The following MAP4K4 variants were observed in gnomAD, a reference collection of about 807,000 sequenced individuals.
MAP4K4 encodes HPK/GCK-like kinase HGK.
MAP4K4 carries 38 observed loss-of-function variants against 189.6 expected under a neutral mutation model. That is an observed-to-expected ratio of 0.20 (90% CI 0.15 to 0.26). The LOEUF is 0.26. Among genes scored for constraint, MAP4K4 ranks in the 10% least tolerant of loss-of-function variants. The pLI, the probability that MAP4K4 is intolerant of heterozygous loss-of-function variation, is 1.00. For synonymous variants in MAP4K4, 610 were observed against 624.3 expected, an observed-to-expected ratio of 0.98 and a Z score of 0.34; for missense variants, 1,054 against 1,726.9, an observed-to-expected ratio of 0.61 and a Z score of 6.91.
At chr2:101,879,798 G>A (rs180971817) in intron 27 of MAP4K4, among the ~76,000 whole-genome samples, 24 of 149,652 alleles carry the variant, frequency 1.6e-4, no homozygotes, top group African/African-American at 5.9e-4. Flanking sequence ...TTATATAATG[G>A]TAAAACAGTA....
At chr2:101,829,100 C>G (rs1403109308) in intron 5 of MAP4K4, among the ~76,000 whole-genome samples, 3 of 152,200 alleles carry the variant, frequency 2.0e-5, no homozygotes, top group African/African-American at 7.2e-5. Context: ...CTCTCTTGCC[C>G]TTTGCTTTTC....
chr2:101,803,479 G>A (rs996989127), intron 3 of MAP4K4, among the ~76,000 whole-genome samples: 2 of 152,178 alleles, frequency 1.3e-5, no homozygotes, highest in African/African-American at 4.8e-5. Context: ...AAATGGTGAA[G>A]TCTTTTAAAA....
At chr2:101,868,757 G>A (rs1011523017) in intron 21 of MAP4K4, among the ~76,000 whole-genome samples, 7 of 152,298 alleles carry the variant, frequency 4.6e-5, no homozygotes, top group Admixed American at 6.5e-5. Flanking sequence ...CATGAATGTG[G>A]CAGGTTGTGA....
At chr2:101,883,156 G>C (rs1407952797) in intron 28 of MAP4K4, among the ~76,000 whole-genome samples, 2 of 152,200 alleles carry the variant, frequency 1.3e-5, no homozygotes, top group Non-Finnish European at 2.9e-5. Flanking sequence ...TTGAGAGTTT[G>C]ACTCAAGGGC....
chr2:101,857,809 C>G (rs1248832927), intron 13 of MAP4K4, among the ~76,000 whole-genome samples: 1 of 151,996 alleles, frequency 6.6e-6, no homozygotes, highest in Non-Finnish European at 1.5e-5. Flanking sequence ...TCAATATTCT[C>G]CCAGAGATAT....
chr2:101,785,025 G>A (rs997728796), intron 2 of MAP4K4, among the ~76,000 whole-genome samples: 3 of 152,150 alleles, frequency 2.0e-5, no homozygotes, highest in African/African-American at 7.2e-5. Context: ...CCTGTGTCCT[G>A]TTCTTACAGT....
rs944709093 is a variant in MAP4K4 at position 101,731,309 on chromosome 2, G to A, written c.123+32771G>A. Among the ~76,000 whole-genome samples, 3 of 151,598 alleles carry A rather than the reference G, an allele frequency of 2.0e-5. No individual in the cohort carries two copies. The South Asian group carries it at 6.3e-4, about 32-fold the overall frequency. On this transcript the variant is annotated intron_variant, in intron 2 of 32. Transcript: ENST00000324219. ...TTTTTGTATTTTTAGTAGAGATGGGGTTTCACCATGTTGGCCAGGCTGGCC... is the reference window on the plus strand; with the variant it reads ...TTTTTGTATTTTTAGTAGAGATGGGATTTCACCATGTTGGCCAGGCTGGCC...
chr2:101,865,775 C>T (rs1040281184), intron 18 of MAP4K4, among the ~76,000 whole-genome samples: 6 of 152,208 alleles, frequency 3.9e-5, no homozygotes, highest in African/African-American at 7.2e-5. Context: ...TAGCCTTCTG[C>T]GCATGGAACC....
At chr2:101,867,132 G>T (rs1489841596) in intron 19 of MAP4K4, 80 bp from the exon 20 acceptor site, 22 of 846,216 alleles carry the variant, frequency 2.6e-5, no homozygotes, top group Non-Finnish European at 3.7e-5. Context: ...AGGAGTGGGC[G>T]GGGTGGGCAG....
chr2:101,863,316 G>A (rs2097719217), intron 16 of MAP4K4, among the ~76,000 whole-genome samples: 1 of 152,188 alleles, frequency 6.6e-6, no homozygotes, highest in Admixed American at 6.5e-5. Flanking sequence ...AAAACGTGGG[G>A]TTTGTCTTTG....
chr2:101,735,549 GTCACTCTTCTTA>G, intron 2 of MAP4K4, among the ~76,000 whole-genome samples: 2 of 152,262 alleles, frequency 1.3e-5, no homozygotes, highest in East Asian at 3.9e-4. Context: ...AATACTCTAA[GTCACTCTTCTTA>G]GTCATTTGTT....
chr2:101,874,032 G>C, intron 25 of MAP4K4, 50 bp from the exon 26 acceptor site: 1 of 1,450,584 alleles, frequency 6.9e-7, no homozygotes, highest in Non-Finnish European at 9.6e-7. Flanking sequence ...AGGGAGGCAG[G>C]CATAGTGTGT....
intron 12 of MAP4K4, among the ~76,000 whole-genome samples, chr2:101,850,522 A>G (rs2097252299): frequency 1.3e-5 from 2 of 152,230 alleles, no homozygotes; most frequent in Admixed American, 6.5e-5. Context: ...CTCCTTTCCT[A>G]CAGAAAAGGT....
chr2:101,882,945 C>T (rs534636279), intron 28 of MAP4K4, among the ~76,000 whole-genome samples: 3 of 152,204 alleles, frequency 2.0e-5, no homozygotes, highest in Non-Finnish European at 2.9e-5. Flanking sequence ...CAGTCTCCCC[C>T]ACGCTGTGCA....
At chr2:101,709,967 C>T (rs1238865058) in intron 2 of MAP4K4, among the ~76,000 whole-genome samples, 1 of 152,086 alleles carries the variant, frequency 6.6e-6, no homozygotes, top group African/African-American at 2.4e-5. Flanking sequence ...TCTTATACTG[C>T]AGAGCTTTCG....
chr2:101,768,337 A>ACTT (rs2079647572), intron 2 of MAP4K4, among the ~76,000 whole-genome samples: 1 of 152,302 alleles, frequency 6.6e-6, no homozygotes, highest in Non-Finnish European at 1.5e-5. Context: ...TTTTCTTTTG[A>ACTT]TACTATTAAC....
chr2:101,870,660 C>G (rs2097969255), intron 23 of MAP4K4: 1 of 470,568 alleles, frequency 2.1e-6, no homozygotes, highest in South Asian at 2.1e-5. Context: ...CTCATTCAAG[C>G]ACCGCGCTGA....
chr2:101,750,824 TAA>T (rs201890890), intron 2 of MAP4K4, among the ~76,000 whole-genome samples: 21 of 134,194 alleles, frequency 1.6e-4, no homozygotes, highest in Admixed American at 3.0e-4. Context: ...AGACCCTGTC[TAA>T]AAAAAAAAAA....
intron 25 of MAP4K4, 98 bp from the exon 26 acceptor site, chr2:101,873,984 T>G: frequency 9.3e-7 from 1 of 1,070,626 alleles, no homozygotes; most frequent in Non-Finnish European, 1.4e-6. Context: ...AAAGTGTTGG[T>G]TATACCACAT....
Sources: allele counts gnomAD v4.1 joint callset (sites outside exome capture counted in the v4.1 genomes callset), GRCh38; gene constraint gnomAD v4.1.1; transcripts MANE v1.5; gene names NCBI Gene and HGNC (gene_info 2026-07-23, HGNC 2026-07-21).